Variants in BSCL2 observed in about 807,000 individuals in gnomAD.
BSCL2 encodes seipin.
BSCL2 carries 41 observed loss-of-function variants against 57.4 expected under a neutral mutation model. That is an observed-to-expected ratio of 0.71 (90% CI 0.56 to 0.93). The LOEUF (loss-of-function observed/expected upper bound fraction) is 0.93, where lower values mean the gene tolerates loss of function less well. Among genes scored for constraint, BSCL2 ranks in the 40% least tolerant of loss-of-function variants. The pLI is 0.00. For missense variants in BSCL2, 539 were observed against 586.7 expected, an observed-to-expected ratio of 0.92 and a Z score of 0.84; for synonymous variants, 237 against 227.3, an observed-to-expected ratio of 1.04 and a Z score of -0.38.
rs371756427 is a variant in BSCL2 at position 62,696,278 on chromosome 11, T to TGTGTGTGTGTGTG, written c.487-1568_487-1567insCACACACACACAC. 5.0e-3 allele frequency among the ~76,000 whole-genome samples: 675 copies of TGTGTGTGTGTGTG among 136,304 alleles called. 4 individuals are homozygous for TGTGTGTGTGTGTG. Among genetic ancestry groups the TGTGTGTGTGTGTG allele is most frequent in the African/African-American group, 7.6e-3 (285 of 37,302 alleles). 89.4% of individuals were successfully genotyped at this position (136,304 alleles called of 152,430 possible). Reference sequence around the variant, plus strand: ...TTAAGCCAGTTGCTTCATAAACTTTTTGTGTGTGTGTGTGTGTGTGTGTGT... The same window carrying TGTGTGTGTGTGTG: ...TTAAGCCAGTTGCTTCATAAACTTTTGTGTGTGTGTGTGTGTGTGTGTGTGTGTGTGTGTGTGT... On this transcript the variant is annotated intron_variant, in intron 3 of 10. Transcript: ENST00000360796.
chr11:62,709,090 C>G (rs2083590091), upstream of BSCL2: 1 of 478,430 alleles, frequency 2.1e-6, no homozygotes, highest in South Asian at 1.8e-5. Flanking sequence ...CCGCTTCCCT[C>G]GGTGACCTGC....
intron 3 of BSCL2, among the ~76,000 whole-genome samples, chr11:62,695,991 G>A (rs1274596320): frequency 6.6e-6 from 1 of 152,012 alleles, no homozygotes; most frequent in African/African-American, 2.4e-5. Flanking sequence ...TGGCCAAGAT[G>A]GTGAAACTCT....
intron 1 of BSCL2, chr11:62,706,176 G>T: frequency 1.9e-6 from 2 of 1,035,852 alleles, no homozygotes; most frequent in Non-Finnish European, 2.3e-6. Context: ...CCAGCTCGGG[G>T]GTGGGCAAAG....
chr11:62,692,302 T>C, intron 6 of BSCL2, 74 bp downstream of exon 6: 1 of 1,488,542 alleles, frequency 6.7e-7, no homozygotes, highest in Non-Finnish European at 9.3e-7. Context: ...CCATTACCTC[T>C]GCTTGGGACC....
intron 10 of BSCL2, 38 bp from the exon 11 acceptor site, chr11:62,690,559 A>G (rs769506704): frequency 6.2e-7 from 1 of 1,614,066 alleles, no homozygotes; most frequent in Non-Finnish European, 8.5e-7. Context: ...CTCAAATGGG[A>G]TATTAGATTA....
chr11:62,706,233 C>CGGCTGCCACAG (rs1320871477), intron 1 of BSCL2: 9 of 1,076,472 alleles, frequency 8.4e-6, no homozygotes, highest in Non-Finnish European at 1.0e-5. Context: ...ACCAGCCCGC[C>CGGCTGCCACAG]GGCTGCCACA....
At chr11:62,690,760 GGA>G in intron 9 of BSCL2, 25 bp downstream of exon 9, 2 of 1,613,770 alleles carry the variant, frequency 1.2e-6, no homozygotes, top group Non-Finnish European at 8.5e-7. Context: ...GAGTCAGGAA[GGA>G]GAGAGTGTGG....
At position 62,707,245 on chromosome 11, in the gene BSCL2, G is replaced by A; in HGVS notation, c.-50C>T. On this transcript the variant is annotated 5_prime_UTR_variant, in exon 1 of 11. Transcript: ENST00000360796. ...CTGGATCTTCCACTGAGTCACTTGTGGCTAAAACGTGAAGTGGCGATCCAG... is the reference window on the plus strand; with the variant it reads ...CTGGATCTTCCACTGAGTCACTTGTAGCTAAAACGTGAAGTGGCGATCCAG... 1 of 1,507,290 alleles carries A rather than the reference G, an allele frequency of 6.6e-7. No homozygotes were observed. The highest frequency in any genetic ancestry group is 9.0e-7 in the Non-Finnish European group (1 of 1,106,278). 93.4% of individuals were successfully genotyped at this position (1,507,290 alleles called of 1,614,324 possible). A position where few individuals can be genotyped will look rare whatever the true frequency, so the allele number is the denominator to read the frequency against.
intron 4 of BSCL2, 82 bp from the exon 5 acceptor site, chr11:62,692,879 G>C: frequency 1.3e-6 from 2 of 1,585,672 alleles, no homozygotes; most frequent in Non-Finnish European, 1.7e-6. Context: ...CCACCCCTGA[G>C]TAGTCTATGA....
upstream of BSCL2, chr11:62,707,705 A>G: frequency 2.8e-6 from 1 of 353,450 alleles, no homozygotes; most frequent in South Asian, 2.6e-5. Flanking sequence ...TTCAGGTACC[A>G]GCCATCCAGA....
At chr11:62,696,171 A>C (rs1310823869) in intron 3 of BSCL2, among the ~76,000 whole-genome samples, 2 of 152,192 alleles carry the variant, frequency 1.3e-5, no homozygotes, top group Non-Finnish European at 2.9e-5. Flanking sequence ...ATTCTGTCTC[A>C]AAACAAACAA....
chr11:62,701,044 C>T (rs562886681), intron 3 of BSCL2, among the ~76,000 whole-genome samples: 46 of 148,930 alleles, frequency 3.1e-4, no homozygotes, highest in African/African-American at 1.1e-3. Context: ...CTCAGGGTTC[C>T]CAGGTTTGTT....
chr11:62,703,357 T>G (rs1352170438), intron 2 of BSCL2, among the ~76,000 whole-genome samples: 5 of 143,394 alleles, frequency 3.5e-5, no homozygotes, highest in South Asian at 2.3e-4. Context: ...GTTTTTTTTT[T>G]TTTTTTTTTT....
At chr11:62,706,234 G>C in intron 1 of BSCL2, 5 of 1,073,534 alleles carry the variant, frequency 4.7e-6, no homozygotes, top group South Asian at 2.5e-5. Flanking sequence ...CCAGCCCGCC[G>C]GCTGCCACAG....
intron 1 of BSCL2, chr11:62,706,336 G>C: frequency 9.0e-7 from 1 of 1,115,488 alleles, no homozygotes; most frequent in South Asian, 1.8e-5. Flanking sequence ...TCCGCCGGCC[G>C]CTTTTGTAGC....
At chr11:62,696,460 A>G (rs899054993) in intron 3 of BSCL2, among the ~76,000 whole-genome samples, 6 of 121,662 alleles carry the variant, frequency 4.9e-5, no homozygotes, top group African/African-American at 1.7e-4. Context: ...ATGCAACCAC[A>G]TGCAACTAAA....
chr11:62,699,242 G>A (rs1945565704), intron 3 of BSCL2, among the ~76,000 whole-genome samples: 1 of 150,612 alleles, frequency 6.6e-6, no homozygotes, highest in Non-Finnish European at 1.5e-5. Flanking sequence ...CTGTAGCCCA[G>A]GCTGGAGTGC....
chr11:62,706,641 G>A (rs578209532), intron 1 of BSCL2: 246 of 473,722 alleles, frequency 5.2e-4, no homozygotes, highest in African/African-American at 3.2e-3. Flanking sequence ...CACCCGCGAA[G>A]CGGCCGAGTG....
intron 3 of BSCL2, among the ~76,000 whole-genome samples, chr11:62,696,313 T>TGTGTGTGTGTGTGTGTGTGTGA (rs925519812): frequency 2.6e-5 from 4 of 151,304 alleles, no homozygotes; most frequent in Non-Finnish European, 5.9e-5. Flanking sequence ...TGTGTGTGTG[T>TGTGTGTGTGTGTGTGTGTGTGA]GAAGACAAGG....
Sources: gnomAD v4.1 joint callset for allele counts (sites outside exome capture counted in the v4.1 genomes callset) on GRCh38, gnomAD v4.1.1 for gene constraint, MANE v1.5 for transcripts, NCBI Gene and HGNC (gene_info 2026-07-23, HGNC 2026-07-21) for gene names.